Variants in FMN1 observed in about 807,000 individuals in gnomAD.
FMN1 encodes the protein formin-1.
FMN1 carries 110 observed loss-of-function variants against 132.4 expected under a neutral mutation model. The observed-to-expected ratio is 0.83, with a 90% CI of 0.71 to 0.97. The LOEUF is 0.97. Among genes scored for constraint, FMN1 ranks in the 50% least tolerant of loss-of-function variants. The pLI is 0.00. For synonymous variants in FMN1, 722 were observed against 651.7 expected (o/e 1.11, Z -1.64); for missense variants, 1,792 against 1,705.3 (o/e 1.05, Z -0.90).
intron 7 of FMN1, among the ~76,000 whole-genome samples, chr15:32,993,633 A>G (rs1457593959): frequency 6.6e-6 from 1 of 152,056 alleles, no homozygotes; most frequent in East Asian, 1.9e-4. Flanking sequence ...TTCAAGAATT[A>G]TTTATTGTAT....
chr15:32,930,730 C>A (rs891698179), intron 9 of FMN1, among the ~76,000 whole-genome samples: 1 of 149,872 alleles, frequency 6.7e-6, no homozygotes, highest in African/African-American at 2.5e-5. Flanking sequence ...TGGGGGGGGG[C>A]GGTCTATGCT....
At chr15:33,008,139 T>TG in intron 6 of FMN1, 64 bp from the exon 7 acceptor site, 1 of 1,252,504 alleles carries the variant, frequency 8.0e-7, no homozygotes, top group Non-Finnish European at 1.1e-6. Context: ...ATTTATCTAC[T>TG]GGTCCTCTTA....
At chr15:32,805,573 A>G (rs928205048) in intron 17 of FMN1, among the ~76,000 whole-genome samples, 1 of 152,126 alleles carries the variant, frequency 6.6e-6, no homozygotes, top group African/African-American at 2.4e-5. Context: ...TGAAGTCTTG[A>G]TAACAGACAT....
intron 16 of FMN1, among the ~76,000 whole-genome samples, chr15:32,867,618 T>C (rs1375382097): frequency 6.6e-6 from 1 of 152,068 alleles, no homozygotes; most frequent in Non-Finnish European, 1.5e-5. Context: ...GCCATTCTCC[T>C]GCCTCAGCCC....
chr15:32,941,315 T>C (rs1035266522), intron 9 of FMN1, among the ~76,000 whole-genome samples: 3 of 152,212 alleles, frequency 2.0e-5, no homozygotes, highest in Admixed American at 6.5e-5. Flanking sequence ...TCTGGTTGAA[T>C]TGGATTTTGG....
chr15:33,161,314 T>C lies in FMN1; in HGVS notation c.-131-6269A>G, dbSNP rs78234112. Among the ~76,000 whole-genome samples the C allele has an allele frequency of 9.2e-3, 1,401 of 152,292 alleles. 26 individuals carry two copies. Among genetic ancestry groups the C allele is most frequent in the African/African-American group, 0.03 (1,231 of 41,548 alleles). On this transcript the variant is annotated intron_variant, in intron 3 of 20. Coordinates refer to ENST00000616417, the MANE Select transcript of FMN1 (RefSeq NM_001277313.2). ...TGTGGCTTCTACTAGATTTAGCCAT[T>C]GGGAAACAGTAACAGATTGGAGGGC...
At chr15:32,802,453 C>T (rs1020622537) in intron 18 of FMN1, among the ~76,000 whole-genome samples, 5 of 152,184 alleles carry the variant, frequency 3.3e-5, no homozygotes, top group African/African-American at 1.2e-4. Context: ...ATTCACTAAT[C>T]TCACACAAAT....
intron 4 of FMN1, among the ~76,000 whole-genome samples, chr15:33,116,279 T>C (rs973518053): frequency 6.6e-6 from 1 of 152,224 alleles, no homozygotes; most frequent in African/African-American, 2.4e-5. Flanking sequence ...AAAACTCTTT[T>C]AAAGTATCCT....
At chr15:32,868,426 G>A (rs2059442041) in intron 16 of FMN1, among the ~76,000 whole-genome samples, 1 of 152,122 alleles carries the variant, frequency 6.6e-6, no homozygotes, top group Admixed American at 6.5e-5. Flanking sequence ...AGACGCCATA[G>A]GCTATACCAT....
rs895783727 is a variant in FMN1, at chr15:33,105,436, C to T, written c.1868-16462G>A. Reference sequence around the variant, plus strand: ...ATCTAGAGGATAATTTAGCAGAAGACTCCCATAATATTATCTAGATGGACT... The same window carrying T: ...ATCTAGAGGATAATTTAGCAGAAGATTCCCATAATATTATCTAGATGGACT... On this transcript the variant is annotated intron_variant, in intron 4 of 20. Transcript: ENST00000616417. Among the ~76,000 whole-genome samples the T allele has an allele frequency of 3.2e-4, 48 of 152,252 alleles. 1 individual carries two copies. The highest frequency in any genetic ancestry group is 3.4e-3 in the Middle Eastern group (1 of 294).
At chr15:32,786,676 T>C (rs964008859) in intron 19 of FMN1, among the ~76,000 whole-genome samples, 3 of 152,200 alleles carry the variant, frequency 2.0e-5, no homozygotes, top group Non-Finnish European at 2.9e-5. Flanking sequence ...GTTTATGGCA[T>C]TTTGAATAGA....
At chr15:32,888,515 G>C (rs999807697) in intron 15 of FMN1, among the ~76,000 whole-genome samples, 1 of 152,164 alleles carries the variant, frequency 6.6e-6, no homozygotes, top group African/African-American at 2.4e-5. Context: ...GGTCGGCTAT[G>C]GCATGGGCCA....
At chr15:33,099,770 A>T (rs1259380928) in intron 4 of FMN1, among the ~76,000 whole-genome samples, 2 of 152,208 alleles carry the variant, frequency 1.3e-5, no homozygotes, top group Non-Finnish European at 2.9e-5. Context: ...TCTAAAAGTC[A>T]TCTAGTTTTC....
chr15:32,960,147 CT>C (rs150148968), intron 9 of FMN1, among the ~76,000 whole-genome samples: 1 of 152,090 alleles, frequency 6.6e-6, no homozygotes, highest in Admixed American at 6.5e-5. Context: ...ATCAGCTGAC[CT>C]TTTTTTGCCC....
chr15:32,964,906 A>C (rs940404784), intron 8 of FMN1, among the ~76,000 whole-genome samples: 3 of 152,166 alleles, frequency 2.0e-5, no homozygotes, highest in African/African-American at 7.2e-5. Context: ...GATATCATCT[A>C]AAGTAGCCAT....
At position 32,910,611 on chromosome 15, in the gene FMN1, G is replaced by C. The variant is rs2060537341; in HGVS notation, c.3227-76C>G. 9.2e-6 allele frequency: 10 copies of C among 1,091,676 alleles called. No homozygotes were observed. In the Admixed American group the frequency reaches 2.0e-4, roughly 22 times the overall value. 67.6% of individuals were successfully genotyped at this position (1,091,676 alleles called of 1,614,324 possible). On this transcript the variant is annotated intron_variant, in intron 10 of 20. Transcript: ENST00000616417. Reference sequence around the variant, plus strand: ...TGCACCAATGTTTACTCCACATCCAGCTTCCAAGCAATTAACAGAGTATTG... The same window carrying C: ...TGCACCAATGTTTACTCCACATCCACCTTCCAAGCAATTAACAGAGTATTG...
At chr15:32,963,838 C>T (rs1299449662) in intron 9 of FMN1, among the ~76,000 whole-genome samples, 2 of 151,796 alleles carry the variant, frequency 1.3e-5, no homozygotes, top group Admixed American at 6.6e-5. Flanking sequence ...CTATTGGCTC[C>T]CTTTGCCATC....
chr15:32,823,154 T>G (rs934134134), intron 17 of FMN1, among the ~76,000 whole-genome samples: 1 of 30,182 alleles, frequency 3.3e-5, no homozygotes, highest in Non-Finnish European at 8.9e-5. Context: ...TTTCTACTGT[T>G]TTTTTTTTTT....
intron 12 of FMN1, among the ~76,000 whole-genome samples, chr15:32,904,643 C>CA: frequency 6.6e-6 from 1 of 152,170 alleles, no homozygotes; most frequent in African/African-American, 2.4e-5. Flanking sequence ...GTGAAGAGTC[C>CA]AGGATGACTT....
Sources: gnomAD v4.1 joint callset for allele counts (sites outside exome capture counted in the v4.1 genomes callset) on GRCh38, gnomAD v4.1.1 for gene constraint, MANE v1.5 for transcripts, NCBI Gene and HGNC (gene_info 2026-07-23, HGNC 2026-07-21) for gene names.